GLIS3: variants seen among roughly 807,000 people sequenced by gnomAD.
The protein encoded by GLIS3 is GLIS family zinc finger 3, also known as zinc finger protein GLIS3.
GLIS3 carries 53 observed loss-of-function variants against 78.6 expected under a neutral mutation model. The ratio of observed to expected loss-of-function variants is 0.67; its 90% CI spans 0.54 to 0.85. The LOEUF is 0.85. GLIS3 is among the 40% of genes least tolerant of loss of function. GLIS3 has a pLI of 0.00. For synonymous variants in GLIS3, 684 were observed against 509.9 expected (o/e 1.34, Z -4.60); for missense variants, 1,703 against 1,231.1 (o/e 1.38, Z -5.74).
At chr9:4,315,763 G>A (rs1817428335) in intron 2 of GLIS3, among the ~76,000 whole-genome samples, 1 of 152,142 alleles carries the variant, frequency 6.6e-6, no homozygotes, top group Non-Finnish European at 1.5e-5. Context: ...GAGGTTCCTG[G>A]AAGGAGAAAG....
chr9:3,964,272 T>G (rs1817768024), intron 4 of GLIS3, among the ~76,000 whole-genome samples: 1 of 152,236 alleles, frequency 6.6e-6, no homozygotes, highest in African/African-American at 2.4e-5. Context: ...GCAAGCTCAT[T>G]TAATTTTCGC....
chr9:4,326,089 C>T (rs12340882), intron 2 of GLIS3, among the ~76,000 whole-genome samples: 47,951 of 151,854 alleles, frequency 0.32, 8,174 homozygotes, highest in African/African-American at 0.47. Context: ...GGAAGAACAG[C>T]TAATGGACGC....
At chr9:4,438,544 T>C in the GLIS3 span, among the ~76,000 whole-genome samples, 3 of 152,178 alleles carry the variant, frequency 2.0e-5, no homozygotes, top group African/African-American at 7.2e-5. Context: ...AAATAGCTTA[T>C]CCTGAATCTG....
rs138873629 is a variant in GLIS3 at position 4,023,383 on chromosome 9, C to T, written c.1711-86194G>A. 2.6e-3 allele frequency among the ~76,000 whole-genome samples: 403 copies of T among 152,190 alleles called. 2 individuals are homozygous for T. Among genetic ancestry groups the T allele is most frequent in the African/African-American group, 9.3e-3 (388 of 41,514 alleles). ...ATTTTTTATTGTTTTCCAAAGAAAC[C>T]CTTGGAACACAATCTAGAGTGAGCC... On this transcript the variant is annotated intron_variant, in intron 4 of 10. Transcript: ENST00000381971.
the GLIS3 span, among the ~76,000 whole-genome samples, chr9:4,447,705 TC>T: frequency 1.3e-5 from 2 of 152,170 alleles, no homozygotes; most frequent in Non-Finnish European, 2.9e-5. Flanking sequence ...TGAAATTTTT[TC>T]TCCATTAGAT....
At chr9:4,239,438 C>A (rs1334132954) in intron 2 of GLIS3, among the ~76,000 whole-genome samples, 2 of 151,800 alleles carry the variant, frequency 1.3e-5, no homozygotes, top group Non-Finnish European at 2.9e-5. Context: ...AATGAACGAA[C>A]CTAGATTACA....
chr9:4,164,383 A>G (rs1049079438), intron 2 of GLIS3, among the ~76,000 whole-genome samples: 1 of 152,240 alleles, frequency 6.6e-6, no homozygotes, highest in African/African-American at 2.4e-5. Flanking sequence ...TTGCTAATTA[A>G]TTGGAATTTT....
chr9:4,416,298 A>T, the GLIS3 span, among the ~76,000 whole-genome samples: 1 of 149,158 alleles, frequency 6.7e-6, no homozygotes, highest in Non-Finnish European at 1.5e-5. Context: ...ATTGATCTTA[A>T]TATTCAATGG....
intron 2 of GLIS3, among the ~76,000 whole-genome samples, chr9:4,276,115 A>C (rs1826955362): frequency 6.6e-6 from 1 of 150,966 alleles, no homozygotes; most frequent in South Asian, 2.1e-4. Context: ...AAAACCCCAT[A>C]TCTACAAAAG....
chr9:4,118,802 C>A lies in GLIS3; in HGVS notation c.676G>T (p.Glu226Ter). ...ESQSASSMKQ[E>*]WSQGYRALPS... is the part of the protein sequence containing the mutation. ...AGGGCCCTGTAGCCCTGGGACCACT[C>A]CTGCTTCATGCTTGAGGCCGACTGA... Residue 226 changes from glutamate (E) to a stop codon, truncating the protein, a stop_gained, in exon 4 of 11, where the codon GAG becomes TAG. Transcript: ENST00000381971. LOFTEE classifies it high-confidence loss of function. The surrounding 1 kb of genome is among the most constrained non-coding windows in gnomAD (Gnocchi z 4.7). 1 of 1,610,542 alleles carries A rather than the reference C, an allele frequency of 6.2e-7. No homozygotes were observed. The highest frequency in any genetic ancestry group is 8.5e-7 in the Non-Finnish European group (1 of 1,179,994).
rs1017751804 is a variant in GLIS3 at position 3,857,024 on chromosome 9, A to C, written c.2298-840T>G. Reference sequence around the variant, plus strand: ...TTAAAATGACAGTTTATGCTTTCTAACATTGAAGGCAAGATGTAATTGTTA... The same window carrying C: ...TTAAAATGACAGTTTATGCTTTCTACCATTGAAGGCAAGATGTAATTGTTA... On this transcript the variant is annotated intron_variant, in intron 8 of 10. Coordinates refer to ENST00000381971, the MANE Select transcript of GLIS3 (RefSeq NM_001042413.2). Among the ~76,000 whole-genome samples, 4 of 152,252 alleles carry C rather than the reference A, an allele frequency of 2.6e-5. No individual in the cohort carries two copies. In the South Asian group the frequency reaches 8.3e-4, roughly 31 times the overall value.
intron 4 of GLIS3, among the ~76,000 whole-genome samples, chr9:4,083,762 G>C (rs995888926): frequency 1.4e-4 from 21 of 152,194 alleles, no homozygotes; most frequent in African/African-American, 4.6e-4. Flanking sequence ...GAAAGTGCAA[G>C]GAGAGCTATA....
At position 4,119,199 on chromosome 9, in the gene GLIS3, G is replaced by A. The variant is rs565665547; in HGVS notation, c.597-318C>T. Among the ~76,000 whole-genome samples the A allele has an allele frequency of 3.8e-3, 576 of 152,142 alleles. 4 individuals are homozygous for A. Among genetic ancestry groups the A allele is most frequent in the African/African-American group, 0.013 (550 of 41,502 alleles). ...ATTTTTAAATAACTTTTTCAATATG[G>A]GGGAAAAAGGATAGAGACCTGGGAA... On this transcript the variant is annotated intron_variant, in intron 3 of 10. Coordinates refer to ENST00000381971, the MANE Select transcript of GLIS3 (RefSeq NM_001042413.2).
chr9:3,906,009 GAT>G (rs1823671193), intron 6 of GLIS3, among the ~76,000 whole-genome samples: 1 of 152,216 alleles, frequency 6.6e-6, no homozygotes, highest in African/African-American at 2.4e-5. Flanking sequence ...GATGGAGCAA[GAT>G]ATGGAGAAAG....
At chr9:4,373,957 C>G in the GLIS3 span, among the ~76,000 whole-genome samples, 1 of 152,060 alleles carries the variant, frequency 6.6e-6, no homozygotes, top group Non-Finnish European at 1.5e-5. Context: ...TGAGCCACCG[C>G]GCCTGGCCGA....
chr9:3,849,319 C>G (rs948092660), intron 9 of GLIS3, among the ~76,000 whole-genome samples: 10 of 152,188 alleles, frequency 6.6e-5, no homozygotes, highest in African/African-American at 9.7e-5. Flanking sequence ...GTGTGCCTAT[C>G]CAGTAAAAAC....
intron 3 of GLIS3, among the ~76,000 whole-genome samples, chr9:4,124,476 C>A (rs922326525): frequency 1.3e-5 from 2 of 152,202 alleles, no homozygotes; most frequent in African/African-American, 4.8e-5. Context: ...AAGCTGAAGG[C>A]TTCCCAATGA....
chr9:4,298,156 C>T (rs1442622112), intron 1 of GLIS3, among the ~76,000 whole-genome samples: 1 of 152,076 alleles, frequency 6.6e-6, no homozygotes, highest in Non-Finnish European at 1.5e-5. Flanking sequence ...GCTGGGAAGC[C>T]CGGGCGCCGG....
chr9:4,149,396 T>C (rs1430236220), intron 2 of GLIS3, among the ~76,000 whole-genome samples: 5 of 152,212 alleles, frequency 3.3e-5, no homozygotes, highest in Non-Finnish European at 7.3e-5. Context: ...CAGATGGCTA[T>C]GAGTTCATTC....
Sources: gnomAD v4.1 joint callset for allele counts (sites outside exome capture counted in the v4.1 genomes callset) on GRCh38, gnomAD v4.1.1 for gene constraint, Gnocchi (gnomAD v3.1) non-coding constraint, MANE v1.5 for transcripts, NCBI Gene and HGNC (gene_info 2026-07-23, HGNC 2026-07-21) for gene names.